DCC: variants seen among roughly 807,000 people sequenced by gnomAD.
DCC encodes the protein netrin receptor DCC.
Under a neutral mutation model 172.5 loss-of-function variants are expected in DCC, and 58 were observed. That is an observed-to-expected ratio of 0.34 (90% confidence interval 0.27 to 0.42). DCC has a LOEUF of 0.42. DCC is among the 10% of genes least tolerant of loss of function. The probability of loss-of-function intolerance (pLI) is 1.00; values close to 1 mark genes in which losing one functional copy is unlikely to be tolerated. For missense variants in DCC, 1,740 were observed against 1,791.0 expected (o/e 0.97, Z 0.51); for synonymous variants, 709 against 644.5 (o/e 1.10, Z -1.52).
At chr18:53,385,404 A>G (rs1908091207) in intron 15 of DCC, among the ~76,000 whole-genome samples, 1 of 152,174 alleles carries the variant, frequency 6.6e-6, no homozygotes, top group African/African-American at 2.4e-5. Flanking sequence ...CAGACTGAAA[A>G]CTATGGCAGC....
At chr18:52,362,426 G>T (rs1180504656) in intron 1 of DCC, among the ~76,000 whole-genome samples, 1 of 152,288 alleles carries the variant, frequency 6.6e-6, no homozygotes, top group South Asian at 2.1e-4. Context: ...AGCATTGGTT[G>T]GTGGCCCAGT....
chr18:53,445,388 C>G (rs111702531), intron 22 of DCC, among the ~76,000 whole-genome samples: 1 of 152,190 alleles, frequency 6.6e-6, no homozygotes, highest in Admixed American at 6.5e-5. Flanking sequence ...TTTCCTTCCT[C>G]GGAAGTGAAC....
At chr18:52,612,002 A>T (rs895392619) in intron 1 of DCC, among the ~76,000 whole-genome samples, 10 of 152,144 alleles carry the variant, frequency 6.6e-5, no homozygotes, top group African/African-American at 1.7e-4. Context: ...TTAAATAAGT[A>T]TATGCTTTTC....
intron 1 of DCC, among the ~76,000 whole-genome samples, chr18:52,463,597 T>C (rs780044664): frequency 6.6e-5 from 10 of 152,180 alleles, no homozygotes; most frequent in Non-Finnish European, 1.0e-4. Context: ...ATACTGGTTT[T>C]AGGATTTAGA....
At chr18:52,414,587 G>A (rs181757117) in intron 1 of DCC, among the ~76,000 whole-genome samples, 48 of 152,238 alleles carry the variant, frequency 3.2e-4, no homozygotes, top group Admixed American at 1.2e-3. Context: ...GGAGAACAGA[G>A]ATGTGCATTA....
chr18:53,528,480 T>A (rs2046484447), intron 28 of DCC, among the ~76,000 whole-genome samples: 1 of 152,120 alleles, frequency 6.6e-6, no homozygotes, highest in African/African-American at 2.4e-5. Flanking sequence ...TCTCATCTCA[T>A]AAAGAATCAT....
intron 21 of DCC, among the ~76,000 whole-genome samples, chr18:53,421,208 G>C (rs1162651177): frequency 6.6e-6 from 1 of 152,164 alleles, no homozygotes; most frequent in Non-Finnish European, 1.5e-5. Flanking sequence ...TCTCCACTTT[G>C]AGATGTCTTT....
At chr18:52,864,962 T>C (rs892727546) in intron 2 of DCC, among the ~76,000 whole-genome samples, 1 of 151,942 alleles carries the variant, frequency 6.6e-6, no homozygotes, top group African/African-American at 2.4e-5. Flanking sequence ...GCCTCCCAGG[T>C]TCACGCCATT....
At chr18:52,920,020 CAA>C (rs373883714) in intron 3 of DCC, among the ~76,000 whole-genome samples, 16 of 100,138 alleles carry the variant, frequency 1.6e-4, no homozygotes, top group African/African-American at 3.4e-4. Context: ...TGTCCATATA[CAA>C]AAAAAAAAAA....
intron 5 of DCC, among the ~76,000 whole-genome samples, chr18:52,974,046 C>G (rs1461444177): frequency 6.6e-6 from 1 of 151,814 alleles, no homozygotes. Flanking sequence ...TGTATTAGAA[C>G]TTTTTATGCC....
At chr18:52,924,333 G>A (rs1037348157) in intron 4 of DCC, among the ~76,000 whole-genome samples, 1 of 151,984 alleles carries the variant, frequency 6.6e-6, no homozygotes, top group African/African-American at 2.4e-5. Context: ...TTTGTCAACT[G>A]TACTTCAATA....
chr18:53,075,065 A>G (rs1443167760), intron 7 of DCC, among the ~76,000 whole-genome samples: 3 of 150,450 alleles, frequency 2.0e-5, no homozygotes, highest in African/African-American at 7.3e-5. Context: ...TGGGATGGAT[A>G]AAATGATAGC....
At chr18:53,060,182 T>C (rs532491141) in intron 5 of DCC, among the ~76,000 whole-genome samples, 1 of 133,412 alleles carries the variant, frequency 7.5e-6, no homozygotes, top group African/African-American at 2.6e-5. Context: ...TTTTATTTGT[T>C]GCTGTTGTTG....
chr18:53,119,601 C>T (rs1160548810), intron 7 of DCC, among the ~76,000 whole-genome samples: 1 of 151,884 alleles, frequency 6.6e-6, no homozygotes, highest in East Asian at 1.9e-4. Flanking sequence ...TGTAAGTTGA[C>T]TCAGATCTGG....
chr18:53,517,443 TATAATAATAATAATAATA>T (rs71179517), intron 27 of DCC, among the ~76,000 whole-genome samples: 2 of 142,506 alleles, frequency 1.4e-5, no homozygotes, highest in Non-Finnish European at 3.0e-5. Flanking sequence ...AAACTTAAAA[TATAATAATAATAATAATA>T]ATAATAATAA....
chr18:52,648,398 G>A (rs1016440680), intron 1 of DCC, among the ~76,000 whole-genome samples: 1 of 152,190 alleles, frequency 6.6e-6, no homozygotes, highest in African/African-American at 2.4e-5. Context: ...TGTTCTTTCT[G>A]CCATTTATGA....
chr18:52,502,306 C>T (rs2144629321), intron 1 of DCC, among the ~76,000 whole-genome samples: 1 of 152,266 alleles, frequency 6.6e-6, no homozygotes, highest in South Asian at 2.1e-4. Context: ...AGAATATTGA[C>T]TATATCTCAA....
intron 7 of DCC, among the ~76,000 whole-genome samples, chr18:53,144,003 T>A (rs551580636): frequency 2.0e-5 from 3 of 152,322 alleles, no homozygotes; most frequent in African/African-American, 7.2e-5. Flanking sequence ...AGGATGAAGT[T>A]ACAATAGAAT....
chr18:53,502,215 T>C (rs900171303), intron 27 of DCC, among the ~76,000 whole-genome samples: 1 of 152,194 alleles, frequency 6.6e-6, no homozygotes, highest in Non-Finnish European at 1.5e-5. Context: ...ATGTTTTTTA[T>C]AGCTCCTCTT....
Sources: allele counts gnomAD v4.1 joint callset (sites outside exome capture counted in the v4.1 genomes callset), GRCh38; gene constraint gnomAD v4.1.1; transcripts MANE v1.5; gene names NCBI Gene and HGNC (gene_info 2026-07-23, HGNC 2026-07-21).